The following RFC1 variants were observed in gnomAD, a reference collection of about 807,000 sequenced individuals.
The protein encoded by RFC1 is A1 140 kDa subunit.
A neutral mutation model predicts 137.4 loss-of-function variants in RFC1; 37 were observed. That is an observed-to-expected ratio of 0.27 (90% CI 0.21 to 0.35). RFC1 has a LOEUF of 0.35. Among genes scored for constraint, RFC1 ranks in the 10% least tolerant of loss-of-function variants. RFC1 has a pLI of 1.00. For synonymous variants in RFC1, 429 were observed against 455.7 expected (o/e 0.94, Z 0.75); for missense variants, 1,205 against 1,358.5 (o/e 0.89, Z 1.78).
Position 39,365,424 on chromosome 4 carries a change from A to C in RFC1, c.3+815T>G, listed in dbSNP as rs534865943. The C allele has an allele frequency of 2.7e-3, 2,678 of 976,872 alleles. 5 individuals are homozygous for C. Among genetic ancestry groups the C allele is most frequent in the Non-Finnish European group, 3.1e-3 (2,550 of 822,124 alleles). 60.5% of individuals were successfully genotyped at this position (976,872 alleles called of 1,614,324 possible). A position where few individuals can be genotyped will look rare whatever the true frequency, so the allele number is the denominator to read the frequency against. On this transcript the variant is annotated intron_variant, in intron 1 of 24. Coordinates refer to ENST00000349703, the MANE Select transcript of RFC1 (RefSeq NM_002913.5). ...AATGAACATTTTAAATGGTCCTTTA[A>C]AAATATTTCAAACACAGAGCCATAT... is the stretch of plus-strand genomic sequence containing the variant.
chr4:39,357,605 C>CA (rs1345916780), intron 1 of RFC1, among the ~76,000 whole-genome samples: 1 of 151,666 alleles, frequency 6.6e-6, no homozygotes, highest in East Asian at 1.9e-4. Flanking sequence ...TTTATTCATC[C>CA]AGGAGCTAAC....
At chr4:39,289,671 A>AT (rs1438332728) in intron 24 of RFC1, 177 bp downstream of exon 24, 10 of 561,552 alleles carry the variant, frequency 1.8e-5, no homozygotes, top group South Asian at 2.6e-5. Context: ...TTCGACTACC[A>AT]TAAGAAACTT....
At chr4:39,337,435 AGTGTGT>A (rs71921435) in intron 4 of RFC1, among the ~76,000 whole-genome samples, 11,038 of 143,608 alleles carry the variant, frequency 0.077, 1,211 homozygotes, top group African/African-American at 0.24. Flanking sequence ...TACTCAAATA[AGTGTGT>A]GTGTGTGTGT....
intron 1 of RFC1, 27 bp downstream of exon 1, chr4:39,366,212 G>C: frequency 6.4e-7 from 1 of 1,553,766 alleles, no homozygotes; most frequent in Non-Finnish European, 8.7e-7. Flanking sequence ...CAGACCCCGA[G>C]CCGCACGGCC....
At chr4:39,290,718 G>C (rs1380451934) in intron 23 of RFC1, among the ~76,000 whole-genome samples, 1 of 151,634 alleles carries the variant, frequency 6.6e-6, no homozygotes. Flanking sequence ...GGGAGGCTGA[G>C]GCATGAGAAT....
intron 19 of RFC1, 35 bp from the exon 20 acceptor site, chr4:39,300,449 C>T (rs758790858): frequency 6.5e-7 from 1 of 1,543,134 alleles, no homozygotes; most frequent in Non-Finnish European, 8.9e-7. Flanking sequence ...ATTAGAATGG[C>T]CAAAATTCAA....
intron 1 of RFC1, among the ~76,000 whole-genome samples, chr4:39,359,375 C>T (rs531091331): frequency 6.6e-6 from 1 of 152,138 alleles, no homozygotes; most frequent in Non-Finnish European, 1.5e-5. Context: ...TGGAATACTA[C>T]TCAATCATAA....
chr4:39,356,913 A>T (rs984610828), intron 1 of RFC1, among the ~76,000 whole-genome samples: 1 of 152,204 alleles, frequency 6.6e-6, no homozygotes, highest in African/African-American at 2.4e-5. Context: ...AAAACTTTTG[A>T]ACAGTAACAA....
chr4:39,293,977 A>G (rs1737837399), intron 22 of RFC1, among the ~76,000 whole-genome samples: 4 of 152,208 alleles, frequency 2.6e-5, no homozygotes, highest in Admixed American at 2.0e-4. Context: ...GGCCTGGCGT[A>G]GCATCCTCAG....
chr4:39,357,610 G>A (rs181209337), intron 1 of RFC1, among the ~76,000 whole-genome samples: 180 of 151,788 alleles, frequency 1.2e-3, no homozygotes, highest in East Asian at 4.3e-3. Flanking sequence ...TCATCCAGGA[G>A]CTAACTTTTT....
At chr4:39,334,223 AT>A (rs1740245736) in intron 4 of RFC1, among the ~76,000 whole-genome samples, 1 of 152,188 alleles carries the variant, frequency 6.6e-6, no homozygotes, top group Admixed American at 6.5e-5. Flanking sequence ...TTTCATATTT[AT>A]TTTATAAATA....
At chr4:39,303,178 T>C (rs774434751) in intron 15 of RFC1, 27 bp from the exon 16 acceptor site, 4 of 1,510,550 alleles carry the variant, frequency 2.6e-6, no homozygotes, top group Non-Finnish European at 3.7e-6. Flanking sequence ...AGCAATGGGA[T>C]GAGACAAAAA....
intron 4 of RFC1, among the ~76,000 whole-genome samples, chr4:39,330,976 G>A (rs916687192): frequency 6.6e-5 from 10 of 151,926 alleles, no homozygotes; most frequent in Admixed American, 3.3e-4. Flanking sequence ...CTCTTTGCCA[G>A]ACGGGAAAAA....
At chr4:39,329,896 G>A (rs968328015) in intron 4 of RFC1, among the ~76,000 whole-genome samples, 25 of 152,082 alleles carry the variant, frequency 1.6e-4, no homozygotes, top group African/African-American at 4.8e-4. Context: ...TTAGCTGGGC[G>A]TGGTGGAGTA....
intron 6 of RFC1, 52 bp from the exon 7 acceptor site, chr4:39,323,469 A>G: frequency 6.8e-7 from 1 of 1,466,320 alleles, no homozygotes; most frequent in Admixed American, 1.7e-5. Context: ...CTTTTCGTAA[A>G]TAGAATTTTT....
intron 4 of RFC1, among the ~76,000 whole-genome samples, chr4:39,329,336 A>G (rs1027784076): frequency 1.3e-5 from 2 of 151,730 alleles, no homozygotes; most frequent in Admixed American, 1.3e-4. Flanking sequence ...CTCCATCTCT[A>G]CCAAAAAAAA....
At position 39,327,722 on chromosome 4, in the gene RFC1, GGCC is replaced by G. The variant is rs776342748; in HGVS notation, c.363_365del (p.Ala122del). On this transcript the variant is annotated inframe_deletion, in exon 5 of 25. Coordinates refer to ENST00000349703, the MANE Select transcript of RFC1 (RefSeq NM_002913.5). ...ATCTTCCATTCTCTTTTGATTTAGA[GGCC>G]GCCTTCTTACACATAAAGTCATCTT... 19 of 1,610,260 alleles carry G rather than the reference GGCC, an allele frequency of 1.2e-5. No homozygotes were observed. In the African/African-American group the frequency reaches 2.3e-4, roughly 19 times the overall value.
At chr4:39,305,671 AT>A (rs1190568576) in intron 14 of RFC1, among the ~76,000 whole-genome samples, 1 of 152,196 alleles carries the variant, frequency 6.6e-6, no homozygotes, top group Non-Finnish European at 1.5e-5. Context: ...ATAAAGTTAA[AT>A]CATTCTTTGT....
In RFC1 at chr4:39,306,579, A is replaced by G. The variant is rs772495303; in HGVS notation, c.1995+13T>C. On this transcript the variant is annotated intron_variant, in intron 14 of 24. Coordinates refer to ENST00000349703, the MANE Select transcript of RFC1 (RefSeq NM_002913.5). Reference sequence around the variant, plus strand: ...AGGTTATCTGTCCGACCACACTGTGACAACGCACCCACCTGACACACCAGG... The same window carrying G: ...AGGTTATCTGTCCGACCACACTGTGGCAACGCACCCACCTGACACACCAGG... 43 of 1,477,796 alleles carry G rather than the reference A, an allele frequency of 2.9e-5. No individual in the cohort carries two copies. Among genetic ancestry groups the G allele is most frequent in the Admixed American group, 5.0e-5 (3 of 59,738 alleles). 91.5% of individuals were successfully genotyped at this position (1,477,796 alleles called of 1,614,324 possible). A position where few individuals can be genotyped will look rare whatever the true frequency, so the allele number is the denominator to read the frequency against.
Sources: gnomAD v4.1 joint callset for allele counts (sites outside exome capture counted in the v4.1 genomes callset) on GRCh38, gnomAD v4.1.1 for gene constraint, MANE v1.5 for transcripts, NCBI Gene and HGNC (gene_info 2026-07-23, HGNC 2026-07-21) for gene names.